The following AASS variants were observed in gnomAD, a reference collection of about 807,000 sequenced individuals.
AASS encodes alpha-aminoadipic semialdehyde synthase, mitochondrial.
A neutral mutation model predicts 105.4 loss-of-function variants in AASS; 86 were observed. The ratio of observed to expected loss-of-function variants is 0.82; its 90% CI spans 0.69 to 0.98. The LOEUF is 0.98. Among genes scored for constraint, AASS ranks in the 50% least tolerant of loss-of-function variants. The probability of loss-of-function intolerance (pLI) is 0.00; values close to 1 mark genes in which losing one functional copy is unlikely to be tolerated. For missense variants in AASS, 1,048 were observed against 1,143.2 expected (o/e 0.92, Z 1.20); for synonymous variants, 381 against 394.8 (o/e 0.96, Z 0.41).
chr7:122,096,940 T>A (rs1794181104), intron 15 of AASS, among the ~76,000 whole-genome samples: 1 of 152,138 alleles, frequency 6.6e-6, no homozygotes, highest in African/African-American at 2.4e-5. Flanking sequence ...TAAATTATTG[T>A]TCTACTCAGA....
At chr7:122,140,358 G>A (rs1363186360) in intron 1 of AASS, among the ~76,000 whole-genome samples, 2 of 151,498 alleles carry the variant, frequency 1.3e-5, no homozygotes, top group East Asian at 2.0e-4. Context: ...GGTGGCGGGC[G>A]CCTGTAGTCC....
intron 11 of AASS, among the ~76,000 whole-genome samples, chr7:122,103,352 T>A (rs1201326460): frequency 6.6e-6 from 1 of 152,014 alleles, no homozygotes; most frequent in Non-Finnish European, 1.5e-5. Flanking sequence ...AAAAATACTA[T>A]ACACAGCAAA....
At chr7:122,126,110 G>A (rs770326107) in intron 4 of AASS, among the ~76,000 whole-genome samples, 2 of 151,870 alleles carry the variant, frequency 1.3e-5, no homozygotes, top group Non-Finnish European at 2.9e-5. Flanking sequence ...CCAGCCTTTC[G>A]AAAGGAACTA....
intron 11 of AASS, among the ~76,000 whole-genome samples, chr7:122,111,248 GAA>G (rs1021668686): frequency 6.6e-6 from 1 of 151,976 alleles, no homozygotes; most frequent in Non-Finnish European, 1.5e-5. Flanking sequence ...ACTCTCTGCA[GAA>G]AAAGAGAAAA....
In AASS at chr7:122,129,437, T is replaced by C; in HGVS notation, c.311A>G (p.Lys104Arg). The change falls in exon 3 of 24, where the codon AAG becomes AGG. Residue 104 changes from lysine to arginine, a missense_variant. By Grantham distance (26) the Lys-to-Arg change is conservative. Transcript: ENST00000417368. ...TGTGTGGGAGAAAAATGCATAAGTC[T>C]TCCTGGACATTAATTTTTCCTCTGG... ...RPPEEKLMSR[K>R]TYAFFSHTIK... 6.2e-7 allele frequency: 1 copy of C among 1,613,586 alleles called. No homozygotes were observed.
chr7:122,084,767 C>G (rs1793543933), intron 19 of AASS, among the ~76,000 whole-genome samples: 1 of 152,062 alleles, frequency 6.6e-6, no homozygotes, highest in Admixed American at 6.6e-5. Flanking sequence ...TCATCACTGA[C>G]AGGTCCATGT....
At chr7:122,125,266 T>A (rs1795606226) in intron 4 of AASS, among the ~76,000 whole-genome samples, 1 of 152,172 alleles carries the variant, frequency 6.6e-6, no homozygotes, top group African/African-American at 2.4e-5. Flanking sequence ...ACATTTTTGC[T>A]TAGATTTATT....
chr7:122,112,340 T>C (rs1185476848), intron 11 of AASS, among the ~76,000 whole-genome samples: 3 of 152,148 alleles, frequency 2.0e-5, no homozygotes, highest in African/African-American at 7.2e-5. Context: ...CTGCTACATC[T>C]CCCTGTTGAC....
At chr7:122,089,959 G>A (rs2150514494) in intron 18 of AASS, among the ~76,000 whole-genome samples, 1 of 152,318 alleles carries the variant, frequency 6.6e-6, no homozygotes, top group South Asian at 2.1e-4. Flanking sequence ...GGTAAAAGGA[G>A]CTGTTGGAAT....
At chr7:122,079,773 G>A (rs978316920) in intron 20 of AASS, 61 bp from the exon 21 acceptor site, 1 of 1,064,942 alleles carries the variant, frequency 9.4e-7, no homozygotes. Flanking sequence ...TTAATTGACT[G>A]AAAAATTATC....
chr7:122,110,676 TAA>T (rs1794891951), intron 11 of AASS, among the ~76,000 whole-genome samples: 1 of 151,772 alleles, frequency 6.6e-6, no homozygotes, highest in South Asian at 2.1e-4. Context: ...TATAATAAAA[TAA>T]AGTTATAGAT....
Position 122,116,628 on chromosome 7 carries a change from C to T in AASS, c.894+5G>A, listed in dbSNP as rs546544360. ...ACCAACTTAAAAGGTGAATATGATA[C>T]TCACATCAGTATTAAAACGACTTAT... On this transcript the variant is annotated splice_donor_5th_base_variant and intron_variant, in intron 8 of 23. Transcript: ENST00000417368. The T allele has an allele frequency of 1.9e-6, 3 of 1,614,032 alleles. No homozygotes were observed. The highest frequency in any genetic ancestry group is 2.2e-5 in the South Asian group (2 of 91,080).
chr7:122,119,080 T>A (rs1417970994), intron 4 of AASS, among the ~76,000 whole-genome samples: 2 of 152,168 alleles, frequency 1.3e-5, no homozygotes, highest in Non-Finnish European at 2.9e-5. Flanking sequence ...GCTCCCATCA[T>A]CTATTTAGTG....
intron 20 of AASS, among the ~76,000 whole-genome samples, chr7:122,081,083 A>C (rs1204333498): frequency 1.3e-5 from 2 of 152,222 alleles, no homozygotes; most frequent in Admixed American, 1.3e-4. Flanking sequence ...ATAAGTAACC[A>C]AATGAGAGTA....
At chr7:122,108,105 C>G (rs921060666) in intron 11 of AASS, among the ~76,000 whole-genome samples, 4 of 151,844 alleles carry the variant, frequency 2.6e-5, no homozygotes, top group Non-Finnish European at 5.9e-5. Context: ...TACAACCTAC[C>G]AAGATTGAAC....
At chr7:122,095,326 G>A (rs1287821022) in intron 15 of AASS, among the ~76,000 whole-genome samples, 2 of 152,020 alleles carry the variant, frequency 1.3e-5, no homozygotes, top group Non-Finnish European at 2.9e-5. Flanking sequence ...ATTTGGCTCT[G>A]GGACTGCATA....
rs1222018862 is a variant in AASS at position 122,076,427 on chromosome 7, T to C, written c.*62A>G. 9.0e-7 allele frequency: 1 copy of C among 1,109,478 alleles called. No individual in the cohort carries two copies. Among genetic ancestry groups the C allele is most frequent in the African/African-American group, 1.5e-5 (1 of 65,132 alleles). The allele number at this position is 1,109,478 out of a possible 1,614,324, so 68.7% of individuals were successfully genotyped here. On this transcript the variant is annotated 3_prime_UTR_variant, in exon 24 of 24. Transcript: ENST00000417368. ...TAAAACAGCACATTAGCAAACCCATTTATCACACACATGTTCAGAGGTGTA... is the reference window on the plus strand; with the variant it reads ...TAAAACAGCACATTAGCAAACCCATCTATCACACACATGTTCAGAGGTGTA...
chr7:122,109,953 G>C (rs924660921), intron 11 of AASS, among the ~76,000 whole-genome samples: 1 of 151,748 alleles, frequency 6.6e-6, no homozygotes. Flanking sequence ...GAAAGTCAAA[G>C]AACAAAACAA....
intron 1 of AASS, among the ~76,000 whole-genome samples, chr7:122,137,635 A>G (rs1276591096): frequency 6.6e-6 from 1 of 152,206 alleles, no homozygotes; most frequent in Admixed American, 6.5e-5. Context: ...TCAGCATAGA[A>G]CTTTCAAGAT....
Sources: gnomAD v4.1 joint callset for allele counts (sites outside exome capture counted in the v4.1 genomes callset) on GRCh38, gnomAD v4.1.1 for gene constraint, MANE v1.5 for transcripts, NCBI Gene and HGNC (gene_info 2026-07-23, HGNC 2026-07-21) for gene names.